FARS2: variants seen among roughly 807,000 people sequenced by gnomAD.
FARS2 encodes the protein phenylalanine--tRNA ligase, mitochondrial.
A neutral mutation model predicts 46.4 loss-of-function variants in FARS2; 40 were observed. The observed-to-expected ratio is 0.86, with a 90% CI of 0.67 to 1.12. The LOEUF is 1.12. FARS2 is among the 50% of genes most tolerant of loss of function. FARS2 has a pLI of 0.00. For missense variants in FARS2, 513 were observed against 567.9 expected (o/e 0.90, Z 0.98); for synonymous variants, 234 against 214.9 (o/e 1.09, Z -0.78).
At chr6:5,741,477 C>T (rs886982614) in intron 6 of FARS2, among the ~76,000 whole-genome samples, 4 of 152,132 alleles carry the variant, frequency 2.6e-5, no homozygotes, top group Non-Finnish European at 4.4e-5. Flanking sequence ...CTGGGGGAGC[C>T]TTTCCAGGGT....
intron 4 of FARS2, among the ~76,000 whole-genome samples, chr6:5,480,097 A>G (rs1004597467): frequency 6.6e-6 from 1 of 152,244 alleles, no homozygotes; most frequent in African/African-American, 2.4e-5. Context: ...CACGATTTTT[A>G]TCAACGACTT....
intron 1 of FARS2, 70 bp from the exon 2 acceptor site, chr6:5,368,480 G>A: frequency 7.3e-7 from 1 of 1,364,176 alleles, no homozygotes; most frequent in Non-Finnish European, 1.0e-6. Context: ...GCTGGTGGGA[G>A]ATGCAAAGAA....
chr6:5,579,002 G>T (rs1340127229), intron 5 of FARS2, among the ~76,000 whole-genome samples: 3 of 152,108 alleles, frequency 2.0e-5, no homozygotes, highest in African/African-American at 7.2e-5. Flanking sequence ...GGATTAGTGA[G>T]TTTCAATACA....
intron 1 of FARS2, among the ~76,000 whole-genome samples, chr6:5,300,124 T>A (rs577313055): frequency 6.6e-6 from 1 of 152,204 alleles, no homozygotes; most frequent in Non-Finnish European, 1.5e-5. Context: ...AGAGAAAGGA[T>A]GTAGGATCCC....
intron 6 of FARS2, among the ~76,000 whole-genome samples, chr6:5,752,200 G>C (rs921058372): frequency 2.0e-5 from 3 of 152,152 alleles, no homozygotes; most frequent in African/African-American, 7.2e-5. Context: ...AGAAATCTGT[G>C]CAAAATTAGA....
intron 4 of FARS2, among the ~76,000 whole-genome samples, chr6:5,516,957 CT>C (rs1021486403): frequency 6.6e-6 from 1 of 152,048 alleles, no homozygotes; most frequent in African/African-American, 2.4e-5. Flanking sequence ...ATGAGTAGAT[CT>C]GGTAGGATGT....
intron 6 of FARS2, among the ~76,000 whole-genome samples, chr6:5,691,404 A>G (rs148538363): frequency 6.6e-6 from 1 of 152,174 alleles, no homozygotes; most frequent in Non-Finnish European, 1.5e-5. Flanking sequence ...TTTTCCTTCT[A>G]ACAGTCAGGA....
At chr6:5,316,887 A>G (rs73718064) in intron 1 of FARS2, among the ~76,000 whole-genome samples, 2,351 of 152,272 alleles carry the variant, frequency 0.015, 57 homozygotes, top group African/African-American at 0.053. Context: ...TAACTGACCC[A>G]AGGGATGGGA....
chr6:5,410,285 C>T (rs1185984616), intron 3 of FARS2, among the ~76,000 whole-genome samples: 1 of 151,908 alleles, frequency 6.6e-6, no homozygotes, highest in African/African-American at 2.4e-5. Flanking sequence ...TCCCACGTAG[C>T]TGGGATTACA....
intron 6 of FARS2, among the ~76,000 whole-genome samples, chr6:5,663,332 G>A (rs1247348681): frequency 6.6e-6 from 1 of 152,206 alleles, no homozygotes; most frequent in Non-Finnish European, 1.5e-5. Context: ...ACATTTAGCA[G>A]TCAGATCAGA....
intron 2 of FARS2, among the ~76,000 whole-genome samples, chr6:5,401,238 T>G (rs1338176888): frequency 6.6e-6 from 1 of 152,110 alleles, no homozygotes; most frequent in Non-Finnish European, 1.5e-5. Context: ...TACATTTTAT[T>G]TCTCTACAAT....
At chr6:5,655,129 G>A (rs1189617126) in intron 6 of FARS2, among the ~76,000 whole-genome samples, 1 of 152,186 alleles carries the variant, frequency 6.6e-6, no homozygotes, top group Non-Finnish European at 1.5e-5. Flanking sequence ...TTGACTGGGT[G>A]AGGGGTTGGT....
At chr6:5,578,808 C>CAAAAAAA (rs56248218) in intron 5 of FARS2, among the ~76,000 whole-genome samples, 11 of 124,356 alleles carry the variant, frequency 8.8e-5, no homozygotes, top group African/African-American at 2.2e-4. Context: ...CACTCCGTCT[C>CAAAAAAA]AAAAAAAAAA....
At chr6:5,490,892 A>G (rs959454589) in intron 4 of FARS2, among the ~76,000 whole-genome samples, 1 of 152,212 alleles carries the variant, frequency 6.6e-6, no homozygotes, top group Non-Finnish European at 1.5e-5. Context: ...CTGCAGCCTC[A>G]GGGGACCTCT....
chr6:5,765,564 T>A lies in FARS2; in HGVS notation c.1218-5727T>A, dbSNP rs1762708715. ...TCTGGTGGGCCCTGTAGTGCCGCAC[T>A]GTACTAGACAAACAGCGCGTGTCAG... On this transcript the variant is annotated intron_variant, in intron 6 of 6. Transcript: ENST00000274680. The surrounding 1 kb of genome is among the most constrained non-coding windows in gnomAD (Gnocchi z 4.0). 6.6e-6 allele frequency among the ~76,000 whole-genome samples: 1 copy of A among 152,090 alleles called. No homozygotes were observed. Among genetic ancestry groups the A allele is most frequent in the South Asian group, 2.1e-4 (1 of 4,818 alleles).
intron 2 of FARS2, among the ~76,000 whole-genome samples, chr6:5,393,552 G>A (rs1760713199): frequency 6.6e-6 from 1 of 152,062 alleles, no homozygotes; most frequent in South Asian, 2.1e-4. Context: ...CAGCTACTTG[G>A]GAGGCTGAGG....
chr6:5,434,273 G>A (rs1437829042), intron 4 of FARS2, among the ~76,000 whole-genome samples: 1 of 152,030 alleles, frequency 6.6e-6, no homozygotes, highest in Non-Finnish European at 1.5e-5. Context: ...CACCACACCT[G>A]GCTAATTTTT....
intron 4 of FARS2, chr6:5,431,657 C>T (rs770805198): frequency 3.8e-6 from 2 of 532,956 alleles, no homozygotes; most frequent in South Asian, 1.4e-5. Flanking sequence ...TCCATCACCT[C>T]CCTCTGCATA....
intron 1 of FARS2, among the ~76,000 whole-genome samples, chr6:5,296,981 T>G (rs752018200): frequency 1.3e-5 from 2 of 152,232 alleles, no homozygotes; most frequent in African/African-American, 2.4e-5. Context: ...CTATGTTTAA[T>G]TTTTCAGGAA....
Sources: gnomAD v4.1 joint callset for allele counts (sites outside exome capture counted in the v4.1 genomes callset) on GRCh38, gnomAD v4.1.1 for gene constraint, Gnocchi (gnomAD v3.1) non-coding constraint, MANE v1.5 for transcripts, NCBI Gene and HGNC (gene_info 2026-07-23, HGNC 2026-07-21) for gene names.